Variants in WSCD2 observed in about 807,000 individuals in gnomAD.
WSCD2 encodes the protein WSC domain sialate O sulfotransferase 2.
Under a neutral mutation model 55.7 loss-of-function variants are expected in WSCD2, and 28 were observed. That is an observed-to-expected ratio of 0.50 (90% CI 0.37 to 0.69). The LOEUF (loss-of-function observed/expected upper bound fraction) is 0.69, where lower values mean the gene tolerates loss of function less well. WSCD2 is among the 30% of genes least tolerant of loss of function. WSCD2 has a pLI of 0.00. For missense variants in WSCD2, 616 were observed against 762.1 expected, an observed-to-expected ratio of 0.81 and a Z score of 2.26; for synonymous variants, 301 against 301.9, an observed-to-expected ratio of 1.00 and a Z score of 0.03.
rs566688688 is a variant in WSCD2 at position 108,247,052 on chromosome 12, T to C, written c.1346-939T>C. Among the ~76,000 whole-genome samples, 37 of 152,362 alleles carry C rather than the reference T, an allele frequency of 2.4e-4. 1 individual carries two copies. Among genetic ancestry groups the C allele is most frequent in the Non-Finnish European group, 8.8e-5 (6 of 68,040 alleles). ...TCTACTTTGTACAAGAGCTCCATTA[T>C]TATCCTGTGAGGAGATACCACTACT... On this transcript the variant is annotated intron_variant, in intron 8 of 8. Coordinates refer to ENST00000547525, the MANE Select transcript of WSCD2 (RefSeq NM_014653.4).
chr12:108,135,816 T>A (rs1214130061), intron 1 of WSCD2, among the ~76,000 whole-genome samples: 1 of 151,832 alleles, frequency 6.6e-6, no homozygotes, highest in Non-Finnish European at 1.5e-5. Flanking sequence ...GCCCACTGCC[T>A]GTTTTTGTAA....
At chr12:108,216,967 A>G (rs1324889714) in intron 4 of WSCD2, among the ~76,000 whole-genome samples, 1 of 152,256 alleles carries the variant, frequency 6.6e-6, no homozygotes, top group Non-Finnish European at 1.5e-5. Flanking sequence ...CAAACAGTGC[A>G]TGGGATCTAG....
At chr12:108,156,744 ACT>A (rs1442374785) in intron 1 of WSCD2, among the ~76,000 whole-genome samples, 1 of 151,968 alleles carries the variant, frequency 6.6e-6, no homozygotes, top group Non-Finnish European at 1.5e-5. Flanking sequence ...TTGTAGAAAA[ACT>A]CTGATTTCAG....
chr12:108,211,820 A>ATTTTT (rs59190207), intron 4 of WSCD2, among the ~76,000 whole-genome samples: 2 of 134,606 alleles, frequency 1.5e-5, no homozygotes, highest in Non-Finnish European at 3.1e-5. Flanking sequence ...TGCCTGGCTA[A>ATTTTT]TTTTTTTTTT....
intron 1 of WSCD2, among the ~76,000 whole-genome samples, chr12:108,191,295 T>A (rs972421700): frequency 6.6e-6 from 1 of 152,192 alleles, no homozygotes; most frequent in Non-Finnish European, 1.5e-5. Flanking sequence ...CATTTCCCCA[T>A]TACCTTTGAG....
At chr12:108,152,509 A>G (rs1159354210) in intron 1 of WSCD2, among the ~76,000 whole-genome samples, 1 of 152,096 alleles carries the variant, frequency 6.6e-6, no homozygotes, top group Non-Finnish European at 1.5e-5. Context: ...TCAGCCCTGA[A>G]TAGTGCATTT....
At chr12:108,180,546 G>A (rs1176436198) in intron 1 of WSCD2, among the ~76,000 whole-genome samples, 6 of 152,214 alleles carry the variant, frequency 3.9e-5, no homozygotes, top group Non-Finnish European at 8.8e-5. Flanking sequence ...TGTCGGGGGA[G>A]GGAGAAGTAA....
chr12:108,219,350 C>T (rs1341299523), intron 4 of WSCD2, among the ~76,000 whole-genome samples: 7 of 152,156 alleles, frequency 4.6e-5, no homozygotes, highest in African/African-American at 9.7e-5. Context: ...TCCCAGAGGT[C>T]GGCATCCACA....
rs549467822 is a variant in WSCD2 at position 108,194,398 on chromosome 12, C to A, written c.-551-884C>A. ...CTGTCTCTGAATTCTCAAGTGATGT[C>A]CAGACTATGTGGGAAAGAGGCAGAG... On this transcript the variant is annotated intron_variant, in intron 1 of 8. Coordinates refer to ENST00000547525, the MANE Select transcript of WSCD2 (RefSeq NM_014653.4). Among the ~76,000 whole-genome samples, 3 of 152,282 alleles carry A rather than the reference C, an allele frequency of 2.0e-5. No homozygotes were observed. In the East Asian group the frequency reaches 5.8e-4, roughly 29 times the overall value.
At position 108,195,973 on chromosome 12, in the gene WSCD2, G is replaced by C; in HGVS notation, c.141G>C (p.Gly47=). Reference sequence around the variant, plus strand: ...TTGTGGGCCAGCCCGCTGTCTCGGGGAACCAGGCGAACCCCGCTGCTGCAG... The same window carrying C: ...TTGTGGGCCAGCCCGCTGTCTCGGGCAACCAGGCGAACCCCGCTGCTGCAG... The part of the protein sequence containing the change: ...SGFVGQPAVS[G]NQANPAAAGG... The change falls in exon 2 of 9, where the codon GGG becomes GGC. Residue 47 remains glycine, a synonymous_variant. Transcript: ENST00000547525. The C allele has an allele frequency of 1.2e-6, 2 of 1,614,232 alleles. No individual in the cohort carries two copies. Among genetic ancestry groups the C allele is most frequent in the Non-Finnish European group, 1.7e-6 (2 of 1,180,044 alleles).
In WSCD2 at chr12:108,240,227, G is replaced by A. The variant is rs755975525; in HGVS notation, c.1145-117G>A. ...CACATAGTAGGTGCTCAATAAATAC[G>A]CGAATGACTGAGTGAACAAATGCAT... On this transcript the variant is annotated intron_variant, in intron 7 of 8. Transcript: ENST00000547525. The A allele has an allele frequency of 2.8e-5, 36 of 1,296,306 alleles. No individual in the cohort carries two copies. The African/African-American group carries it at 3.1e-4, about 11-fold the overall frequency. 80.3% of individuals were successfully genotyped at this position (1,296,306 alleles called of 1,614,324 possible).
chr12:108,186,751 G>GT (rs1882548794), intron 1 of WSCD2, among the ~76,000 whole-genome samples: 2 of 152,290 alleles, frequency 1.3e-5, no homozygotes, highest in South Asian at 4.1e-4. Flanking sequence ...GGATCGTATG[G>GT]TAAGAGTATG....
At chr12:108,233,401 C>T (rs1046396153) in intron 7 of WSCD2, among the ~76,000 whole-genome samples, 2 of 152,222 alleles carry the variant, frequency 1.3e-5, no homozygotes, top group Non-Finnish European at 2.9e-5. Context: ...TTACTGAGCA[C>T]CGGAATGTTC....
At chr12:108,149,925 C>G (rs1877797078) in intron 1 of WSCD2, 2 of 152,148 alleles carry the variant, frequency 1.3e-5, no homozygotes, top group African/African-American at 4.8e-5. Context: ...TATTATTGTT[C>G]CCATTTCACA....
chr12:108,169,556 C>T (rs1004796190), intron 1 of WSCD2, among the ~76,000 whole-genome samples: 1 of 152,184 alleles, frequency 6.6e-6, no homozygotes, highest in African/African-American at 2.4e-5. Context: ...CAAAGTCACT[C>T]CCCTTCTTGA....
intron 4 of WSCD2, 123 bp from the exon 5 acceptor site, chr12:108,224,616 T>A: frequency 7.7e-7 from 1 of 1,306,756 alleles, no homozygotes; most frequent in Non-Finnish European, 1.0e-6. Context: ...ATCTCTGCTT[T>A]GGCTTGCTCT....
At chr12:108,173,734 C>G (rs1880485043) in intron 1 of WSCD2, among the ~76,000 whole-genome samples, 1 of 151,384 alleles carries the variant, frequency 6.6e-6, no homozygotes, top group Non-Finnish European at 1.5e-5. Flanking sequence ...TGTCACTGGT[C>G]TGCACACACA....
intron 1 of WSCD2, among the ~76,000 whole-genome samples, chr12:108,133,969 A>T (rs971061619): frequency 6.6e-6 from 1 of 152,218 alleles, no homozygotes; most frequent in African/African-American, 2.4e-5. Context: ...TGAGGAAAGA[A>T]ATTGCCCGAG....
intron 1 of WSCD2, among the ~76,000 whole-genome samples, chr12:108,173,805 G>GCTCT (rs10658530): frequency 0.31 from 39,014 of 126,448 alleles, 6,505 homozygotes; most frequent in East Asian, 0.52. Context: ...CTGATTCCTG[G>GCTCT]CTCTCTGTGT....
Sources: gnomAD v4.1 joint callset for allele counts (sites outside exome capture counted in the v4.1 genomes callset) on GRCh38, gnomAD v4.1.1 for gene constraint, MANE v1.5 for transcripts, NCBI Gene and HGNC (gene_info 2026-07-23, HGNC 2026-07-21) for gene names.